The following KCNQ1 variants were observed in gnomAD, a reference collection of about 807,000 sequenced individuals.
KCNQ1 encodes potassium voltage-gated channel subfamily KQT member 1.
In KCNQ1, 49 loss-of-function variants were observed where a neutral mutation model predicts 72.4. The ratio of observed to expected loss-of-function variants is 0.68; its 90% CI spans 0.54 to 0.86. KCNQ1 has a LOEUF of 0.86. Among genes scored for constraint, KCNQ1 ranks in the 40% least tolerant of loss-of-function variants. KCNQ1 has a pLI of 0.00. For missense variants in KCNQ1, 790 were observed against 945.1 expected (o/e 0.84, Z 2.15); for synonymous variants, 450 against 412.6 (o/e 1.09, Z -1.10).
In KCNQ1 at chr11:2,651,785, G is replaced by A. The variant is rs1203710617; in HGVS notation, c.1394-10176G>A. The A allele has an allele frequency of 2.8e-5, 11 of 398,434 alleles. No individual in the cohort carries two copies. The highest frequency in any genetic ancestry group is 4.0e-5 in the Non-Finnish European group (9 of 226,080). 24.7% of individuals were successfully genotyped at this position (398,434 alleles called of 1,614,324 possible). On this transcript the variant is annotated intron_variant, in intron 10 of 15. Coordinates refer to ENST00000155840, the MANE Select transcript of KCNQ1 (RefSeq NM_000218.3). The surrounding 1 kb of genome is among the most constrained non-coding windows in gnomAD (Gnocchi z 6.1). ...TCAAGTGTTGACCATTTTGATTCCT[G>A]GGCCCCTTAAGAGTCCATTAGCATT...
At chr11:2,685,347 T>C (rs1382885740) in intron 11 of KCNQ1, 5 of 398,582 alleles carry the variant, frequency 1.3e-5, no homozygotes, top group Non-Finnish European at 1.8e-5. Flanking sequence ...TCATGGAGGG[T>C]ACATGGGCAG....
Position 2,601,461 on chromosome 11 carries a change from C to T in KCNQ1, c.1393+12607C>T, listed in dbSNP as rs985243250. 3.2e-4 allele frequency among the ~76,000 whole-genome samples: 49 copies of T among 152,210 alleles called. No individual in the cohort carries two copies. The highest frequency in any genetic ancestry group is 1.2e-3 in the African/African-American group (48 of 41,448). ...TAGTTTCCGTCAGTGGTAGCATCTTCTAAAACCATAGCACAATATGATAAC... is the reference window on the plus strand; with the variant it reads ...TAGTTTCCGTCAGTGGTAGCATCTTTTAAAACCATAGCACAATATGATAAC... On this transcript the variant is annotated intron_variant, in intron 10 of 15. Transcript: ENST00000155840. This position sits in a 1 kb window ranked among gnomAD's most constrained non-coding sequence, Gnocchi z 5.2.
At chr11:2,619,065 G>A (rs1849118939) in intron 10 of KCNQ1, 1 of 398,254 alleles carries the variant, frequency 2.5e-6, no homozygotes, top group South Asian at 1.3e-4. Flanking sequence ...AGTTCTAACA[G>A]GTTGCTTTGT....
rs1452838821 is a variant in KCNQ1 at position 2,516,277 on chromosome 11, A to G, written c.387-11651A>G. Among the ~76,000 whole-genome samples the G allele has an allele frequency of 6.6e-6, 1 of 152,016 alleles. No individual in the cohort carries two copies. The highest frequency in any genetic ancestry group is 1.5e-5 in the Non-Finnish European group (1 of 68,020). On this transcript the variant is annotated intron_variant, in intron 1 of 15. Transcript: ENST00000155840. This position sits in a 1 kb window ranked among gnomAD's most constrained non-coding sequence, Gnocchi z 7.0. ...TCTCCTGTGAACAAAGGATGGGTCC[A>G]CTTCTCAGGCTTCTCATGAAGTTTA...
chr11:2,634,700 G>A (rs900896740), intron 10 of KCNQ1: 1 of 152,168 alleles, frequency 6.6e-6, no homozygotes, highest in African/African-American at 2.4e-5. Context: ...TACCCAGTAA[G>A]GGGATGGCTG....
rs1295554773 is a variant in KCNQ1, at chr11:2,767,151, A to T, written c.1515-1693A>T. 2.0e-5 allele frequency among the ~76,000 whole-genome samples: 3 copies of T among 151,458 alleles called. No homozygotes were observed. Among genetic ancestry groups the T allele is most frequent in the Non-Finnish European group, 4.4e-5 (3 of 67,934 alleles). On this transcript the variant is annotated intron_variant, in intron 11 of 15. Coordinates refer to ENST00000155840, the MANE Select transcript of KCNQ1 (RefSeq NM_000218.3). This position sits in a 1 kb window ranked among gnomAD's most constrained non-coding sequence, Gnocchi z 4.6. ...CCACTGCACTCCAGCCTGGCAATAGAGCGAGACTCCATCTATATGTGTGTG... is the reference window on the plus strand; with the variant it reads ...CCACTGCACTCCAGCCTGGCAATAGTGCGAGACTCCATCTATATGTGTGTG...
chr11:2,699,605 G>A (rs364930), intron 11 of KCNQ1: 31,485 of 250,762 alleles, frequency 0.13, 1,713 homozygotes, highest in African/African-American at 0.36. Flanking sequence ...CGCGGCGAGA[G>A]GCCCCCGGAG....
intron 15 of KCNQ1, among the ~76,000 whole-genome samples, chr11:2,786,954 T>TTG (rs1488708437): frequency 2.0e-5 from 3 of 151,356 alleles, no homozygotes; most frequent in Non-Finnish European, 4.4e-5. Context: ...TTTCTGTTTT[T>TTG]TTTTTTTTTT....
intron 11 of KCNQ1, among the ~76,000 whole-genome samples, chr11:2,739,336 T>C (rs113131409): frequency 5.3e-4 from 80 of 152,282 alleles, no homozygotes; most frequent in African/African-American, 1.9e-3. Context: ...AGGCCCGAGA[T>C]TGCCTGAGGT....
rs1210784138 is a variant in KCNQ1 at position 2,703,156 on chromosome 11, G to C, written c.1514+41075G>C. Among the ~76,000 whole-genome samples the C allele has an allele frequency of 6.6e-6, 1 of 152,162 alleles. No homozygotes were observed. The highest frequency in any genetic ancestry group is 1.5e-5 in the Non-Finnish European group (1 of 68,034). ...GAGGTGAGCCCAGGGCTGGCCTTGG[G>C]CACCATGGCAGAATTCTGGGAGGGG... is the stretch of plus-strand genomic sequence containing the variant. On this transcript the variant is annotated intron_variant, in intron 11 of 15. Coordinates refer to ENST00000155840, the MANE Select transcript of KCNQ1 (RefSeq NM_000218.3). This position sits in a 1 kb window ranked among gnomAD's most constrained non-coding sequence, Gnocchi z 6.4.
At position 2,603,688 on chromosome 11, in the gene KCNQ1, A is replaced by C. The variant is rs1763833922; in HGVS notation, c.1393+14834A>C. On this transcript the variant is annotated intron_variant, in intron 10 of 15. Transcript: ENST00000155840. This position sits in a 1 kb window ranked among gnomAD's most constrained non-coding sequence, Gnocchi z 4.1. ...ATCATGTTTTCAAGGTTTGTGCTTC[A>C]GTGCTTCTTTTTTTTTCCCCGAGAC... Among the ~76,000 whole-genome samples the C allele has an allele frequency of 3.9e-5, 6 of 151,904 alleles. No homozygotes were observed.
intron 11 of KCNQ1, among the ~76,000 whole-genome samples, chr11:2,726,001 C>T (rs917245567): frequency 8.5e-5 from 13 of 152,240 alleles, no homozygotes; most frequent in African/African-American, 3.1e-4. Context: ...GGCTAAAGAC[C>T]CCTGATTTCT....
At position 2,848,956 on chromosome 11, in the gene KCNQ1, TGTGCAAGCTTTTCCTAATAAAC is replaced by T. The variant is rs1158389994; in HGVS notation, c.*957_*978del. The T allele has an allele frequency of 2.2e-6, 1 of 454,042 alleles. No individual in the cohort carries two copies. The highest frequency in any genetic ancestry group is 4.4e-6 in the Non-Finnish European group (1 of 226,800). The allele number at this position is 454,042 out of a possible 1,614,324, so 28.1% of individuals were successfully genotyped here. A position where few individuals can be genotyped will look rare whatever the true frequency, so the allele number is the denominator to read the frequency against. On this transcript the variant is annotated 3_prime_UTR_variant, in exon 16 of 16. Transcript: ENST00000155840. ...TCACAGTGTGATTTTGATTATTAAT[TGTGCAAGCTTTTCCTAATAAAC>T]GTGGAGAATCACAGGCTGGGCTGGG... is the stretch of plus-strand genomic sequence containing the variant.
At chr11:2,625,927 A>G (rs1849254598) in intron 10 of KCNQ1, 2 of 398,564 alleles carry the variant, frequency 5.0e-6, no homozygotes, top group South Asian at 1.3e-4. Flanking sequence ...AGTTCTCTGT[A>G]TAATCTGGAC....
In KCNQ1 at chr11:2,550,542, C is replaced by T. The variant is rs927427782; in HGVS notation, c.478-20086C>T. ...GGAGCTGATGCCTGACATGCATCCTCGCCTAGGCCAGAGTGCCAGGCAGGG... is the reference window on the plus strand; with the variant it reads ...GGAGCTGATGCCTGACATGCATCCTTGCCTAGGCCAGAGTGCCAGGCAGGG... On this transcript the variant is annotated intron_variant, in intron 2 of 15. Coordinates refer to ENST00000155840, the MANE Select transcript of KCNQ1 (RefSeq NM_000218.3). This position sits in a 1 kb window ranked among gnomAD's most constrained non-coding sequence, Gnocchi z 6.0. 1.2e-4 allele frequency among the ~76,000 whole-genome samples: 18 copies of T among 152,224 alleles called. No homozygotes were observed. The highest frequency in any genetic ancestry group is 2.0e-4 in the Admixed American group (3 of 15,290).
chr11:2,780,930 G>T (rs538529055), intron 15 of KCNQ1, among the ~76,000 whole-genome samples: 3 of 152,134 alleles, frequency 2.0e-5, no homozygotes, highest in African/African-American at 7.2e-5. Flanking sequence ...CTTGCAGGAC[G>T]TCCCCATTCC....
intron 11 of KCNQ1, among the ~76,000 whole-genome samples, chr11:2,753,327 C>T (rs1846254875): frequency 6.6e-6 from 1 of 152,124 alleles, no homozygotes; most frequent in Non-Finnish European, 1.5e-5. Context: ...AGTTCAGAGG[C>T]CTCCGTGTCT....
Position 2,671,686 on chromosome 11 carries a change from G to A in KCNQ1, c.1514+9605G>A. 7.5e-6 allele frequency: 3 copies of A among 398,746 alleles called. No individual in the cohort carries two copies. Among genetic ancestry groups the A allele is most frequent in the Non-Finnish European group, 1.3e-5 (3 of 226,166 alleles). The allele number at this position is 398,746 out of a possible 1,614,324, so 24.7% of individuals were successfully genotyped here. A position where few individuals can be genotyped will look rare whatever the true frequency, so the allele number is the denominator to read the frequency against. On this transcript the variant is annotated intron_variant, in intron 11 of 15. Transcript: ENST00000155840. This position sits in a 1 kb window ranked among gnomAD's most constrained non-coding sequence, Gnocchi z 4.7. ...GCAGAGAGCAGGGGTGACTTTGCAA[G>A]GCAATAGAGGGTACTTGGGAAGTAG...
intron 15 of KCNQ1, among the ~76,000 whole-genome samples, chr11:2,822,561 T>TGTGA (rs1847759276): frequency 6.6e-6 from 1 of 152,170 alleles, no homozygotes; most frequent in East Asian, 1.9e-4. Flanking sequence ...CCAAGGAAGC[T>TGTGA]CCCTGTGAGC....
Sources: gnomAD v4.1 joint callset for allele counts (sites outside exome capture counted in the v4.1 genomes callset) on GRCh38, gnomAD v4.1.1 for gene constraint, Gnocchi (gnomAD v3.1) non-coding constraint, MANE v1.5 for transcripts, NCBI Gene and HGNC (gene_info 2026-07-23, HGNC 2026-07-21) for gene names.